CDH12: variants seen among roughly 807,000 people sequenced by gnomAD.
CDH12 encodes cadherin-12.
In CDH12, 41 loss-of-function variants were observed where a neutral mutation model predicts 74.1. The ratio of observed to expected loss-of-function variants is 0.55; its 90% CI spans 0.43 to 0.72. The LOEUF (loss-of-function observed/expected upper bound fraction) is 0.72. Ranked by LOEUF, CDH12 falls within the 30% of genes least tolerant of loss-of-function variation. The pLI is 0.00. For missense variants in CDH12, 945 were observed against 977.2 expected, an observed-to-expected ratio of 0.97 and a Z score of 0.44; for synonymous variants, 399 against 355.0, an observed-to-expected ratio of 1.12 and a Z score of -1.39.
chr5:21,974,523 G>A (rs1204656386), intron 6 of CDH12, among the ~76,000 whole-genome samples: 1 of 151,900 alleles, frequency 6.6e-6, no homozygotes, highest in Non-Finnish European at 1.5e-5. Flanking sequence ...TTGTTAATTT[G>A]TTCTAATAAT....
At chr5:22,092,165 A>G (rs895339823) in intron 4 of CDH12, among the ~76,000 whole-genome samples, 10 of 151,968 alleles carry the variant, frequency 6.6e-5, no homozygotes, top group African/African-American at 2.2e-4. Flanking sequence ...CTTATTTAAG[A>G]GTTAATCCTG....
chr5:22,238,840 G>A lies in CDH12; in HGVS notation c.-332-26197C>T, dbSNP rs533995151. 4.6e-5 allele frequency among the ~76,000 whole-genome samples: 7 copies of A among 152,208 alleles called. No homozygotes were observed. In the South Asian group the frequency reaches 1.2e-3, roughly 27 times the overall value. ...TGTCCATTTTGAGGTTGGGCTTTAG[G>A]GAAAGCTCCAAATAATGAGTAGGCT... is the stretch of plus-strand genomic sequence containing the variant. On this transcript the variant is annotated intron_variant, in intron 3 of 14. Coordinates refer to ENST00000382254, the MANE Select transcript of CDH12 (RefSeq NM_004061.5).
Position 21,783,403 on chromosome 5 carries a change from C to T in CDH12, c.1348G>A (p.Glu450Lys). The change falls in exon 11 of 15, where the codon GAA becomes AAA. Residue 450 changes from glutamate to lysine, a missense_variant. Transcript: ENST00000382254. ...GAGAAATTATACTGCGCAGTGCTTT[C>T]TCTGTCTAGTAATTCATTAGTGGCG... ...TIATNELLDR[E>K]STAQYNFSII... 1 of 1,612,976 alleles carries T rather than the reference C, an allele frequency of 6.2e-7. No individual in the cohort carries two copies. The highest frequency in any genetic ancestry group is 8.5e-7 in the Non-Finnish European group (1 of 1,179,046).
chr5:21,833,505 A>G (rs1302195375), intron 8 of CDH12, among the ~76,000 whole-genome samples: 1 of 59,936 alleles, frequency 1.7e-5, no homozygotes, highest in Non-Finnish European at 2.6e-5. Flanking sequence ...GTAATATATA[A>G]TATATGGCAT....
At chr5:21,766,793 T>G (rs1460349144) in intron 11 of CDH12, among the ~76,000 whole-genome samples, 1 of 151,946 alleles carries the variant, frequency 6.6e-6, no homozygotes, top group Non-Finnish European at 1.5e-5. Flanking sequence ...ATGCTTGCAA[T>G]GTACAAATAT....
chr5:21,884,763 T>C (rs2150037059), intron 6 of CDH12, among the ~76,000 whole-genome samples: 1 of 152,336 alleles, frequency 6.6e-6, no homozygotes, highest in South Asian at 2.1e-4. Context: ...TAAAAATTTG[T>C]TTAGTTAAAA....
At chr5:22,607,229 G>A (rs1470596444) in intron 1 of CDH12, among the ~76,000 whole-genome samples, 1 of 152,162 alleles carries the variant, frequency 6.6e-6, no homozygotes, top group East Asian at 1.9e-4. Flanking sequence ...TAAGTAATGA[G>A]GAGCTGAATG....
At chr5:22,348,036 T>C (rs571871888) in intron 3 of CDH12, among the ~76,000 whole-genome samples, 30 of 152,282 alleles carry the variant, frequency 2.0e-4, no homozygotes, top group African/African-American at 6.7e-4. Flanking sequence ...CCAAAGCTCA[T>C]GCCCAGAGAA....
At chr5:22,346,635 G>A (rs749112080) in intron 3 of CDH12, among the ~76,000 whole-genome samples, 1 of 152,146 alleles carries the variant, frequency 6.6e-6, no homozygotes, top group Admixed American at 6.6e-5. Context: ...CTGGGAGTTG[G>A]TACGTGGCAT....
intron 1 of CDH12, among the ~76,000 whole-genome samples, chr5:22,626,178 C>A (rs72637727): frequency 0.066 from 9,981 of 152,232 alleles, 435 homozygotes; most frequent in East Asian, 0.24. Context: ...ACCATTGTTG[C>A]AGGCATAAGC....
chr5:22,237,522 T>C (rs920019569), intron 3 of CDH12, among the ~76,000 whole-genome samples: 2 of 152,092 alleles, frequency 1.3e-5, no homozygotes, highest in African/African-American at 4.8e-5. Context: ...CATTCCTCCT[T>C]GTAAGGACAT....
chr5:22,339,452 A>G (rs1251743698), intron 3 of CDH12, among the ~76,000 whole-genome samples: 1 of 152,144 alleles, frequency 6.6e-6, no homozygotes, highest in Non-Finnish European at 1.5e-5. Flanking sequence ...ACTTATAAAT[A>G]TTTGGTTTTG....
intron 2 of CDH12, among the ~76,000 whole-genome samples, chr5:22,498,096 G>T (rs1209081017): frequency 1.3e-5 from 2 of 152,012 alleles, no homozygotes; most frequent in Non-Finnish European, 2.9e-5. Context: ...TTCAAGCTTT[G>T]CTCCCATATC....
At chr5:22,763,584 G>A (rs1400168261) in intron 1 of CDH12, among the ~76,000 whole-genome samples, 2 of 151,882 alleles carry the variant, frequency 1.3e-5, no homozygotes, top group Non-Finnish European at 2.9e-5. Flanking sequence ...CTGACAATTT[G>A]TTCAGTTAAT....
At chr5:22,323,768 T>G (rs1013874212) in intron 3 of CDH12, among the ~76,000 whole-genome samples, 1 of 152,092 alleles carries the variant, frequency 6.6e-6, no homozygotes, top group Non-Finnish European at 1.5e-5. Flanking sequence ...TTCAGGTTTT[T>G]TGTTTGCTTT....
chr5:22,424,845 G>A lies in CDH12; in HGVS notation c.-427-19494C>T, dbSNP rs191216981. On this transcript the variant is annotated intron_variant, in intron 2 of 14. Coordinates refer to ENST00000382254, the MANE Select transcript of CDH12 (RefSeq NM_004061.5). ...TTGATTTGCTTATAACCATAACATA[G>A]CCACAAATAATAAAATCTTAGAAAT... 1.8e-3 allele frequency among the ~76,000 whole-genome samples: 272 copies of A among 151,522 alleles called. 1 individual carries two copies. The highest frequency in any genetic ancestry group is 2.5e-3 in the Non-Finnish European group (168 of 67,884).
At chr5:22,073,916 ATGATT>A (rs2150220123) in intron 5 of CDH12, among the ~76,000 whole-genome samples, 1 of 152,270 alleles carries the variant, frequency 6.6e-6, no homozygotes, top group East Asian at 1.9e-4. Context: ...ATACAAATTA[ATGATT>A]TCCACATACG....
At chr5:22,552,432 T>G (rs1738614571) in intron 1 of CDH12, among the ~76,000 whole-genome samples, 1 of 151,432 alleles carries the variant, frequency 6.6e-6, no homozygotes, top group African/African-American at 2.4e-5. Flanking sequence ...CATTTTCTTT[T>G]CTTTTTTTTT....
At chr5:22,146,258 A>G (rs1361674431) in intron 4 of CDH12, among the ~76,000 whole-genome samples, 1 of 152,092 alleles carries the variant, frequency 6.6e-6, no homozygotes, top group Non-Finnish European at 1.5e-5. Context: ...TACATCTAAA[A>G]TACTTGATGG....
Sources: allele counts gnomAD v4.1 joint callset (sites outside exome capture counted in the v4.1 genomes callset), GRCh38; gene constraint gnomAD v4.1.1; transcripts MANE v1.5; gene names NCBI Gene and HGNC (gene_info 2026-07-23, HGNC 2026-07-21).